GNAQ: variants seen among roughly 807,000 people sequenced by gnomAD.
GNAQ encodes the protein guanine nucleotide-binding protein G(q) subunit alpha.
In GNAQ, 8 loss-of-function variants were observed where a neutral mutation model predicts 43.9. The ratio of observed to expected loss-of-function variants is 0.18; its 90% confidence interval spans 0.11 to 0.33. GNAQ has a LOEUF of 0.33. Ranked by LOEUF, GNAQ falls within the 10% of genes least tolerant of loss-of-function variation. The pLI, the probability that GNAQ is intolerant of heterozygous loss-of-function variation, is 1.00. For missense variants in GNAQ, 158 were observed against 450.8 expected, an observed-to-expected ratio of 0.35 and a Z score of 5.88; for synonymous variants, 155 against 170.7, an observed-to-expected ratio of 0.91 and a Z score of 0.71.
At chr9:77,847,738 T>G (rs1827610313) in intron 2 of GNAQ, among the ~76,000 whole-genome samples, 1 of 152,180 alleles carries the variant, frequency 6.6e-6, no homozygotes, top group South Asian at 2.1e-4. Flanking sequence ...GGCCTCCCTA[T>G]GTGGTTGTGC....
At chr9:77,973,820 G>C (rs961123039) in intron 1 of GNAQ, among the ~76,000 whole-genome samples, 2 of 151,988 alleles carry the variant, frequency 1.3e-5, no homozygotes, top group African/African-American at 4.8e-5. Flanking sequence ...TCAAAGTAGG[G>C]GGCAATGAAG....
chr9:77,860,327 C>A (rs533249319), intron 2 of GNAQ, among the ~76,000 whole-genome samples: 1 of 152,178 alleles, frequency 6.6e-6, no homozygotes, highest in Non-Finnish European at 1.5e-5. Context: ...TAGACAATGC[C>A]CTGAGGAGGT....
intron 5 of GNAQ, among the ~76,000 whole-genome samples, chr9:77,762,969 C>T (rs1198810484): frequency 1.7e-4 from 25 of 150,382 alleles, no homozygotes; most frequent in African/African-American, 5.5e-4. Context: ...TGCGGAAGGC[C>T]GCAGGGTCCT....
chr9:77,770,309 T>C (rs117531308), intron 5 of GNAQ, among the ~76,000 whole-genome samples: 2,870 of 152,248 alleles, frequency 0.019, 89 homozygotes, highest in South Asian at 0.14. Flanking sequence ...TGTATCCAAT[T>C]AGATGCTGGT....
intron 1 of GNAQ, among the ~76,000 whole-genome samples, chr9:77,931,590 GTC>G (rs1278905514): frequency 6.7e-6 from 1 of 149,576 alleles, no homozygotes; most frequent in Non-Finnish European, 1.5e-5. Flanking sequence ...GTGAGACTCT[GTC>G]TCAAAAAAAA....
intron 2 of GNAQ, among the ~76,000 whole-genome samples, chr9:77,822,588 G>A (rs1827133773): frequency 7.1e-6 from 1 of 141,826 alleles, no homozygotes; most frequent in Admixed American, 7.2e-5. Context: ...GTAGAATTCA[G>A]ACAGGCGAAA....
At chr9:77,987,037 G>A (rs1014505824) in intron 1 of GNAQ, among the ~76,000 whole-genome samples, 2 of 152,000 alleles carry the variant, frequency 1.3e-5, no homozygotes, top group African/African-American at 4.8e-5. Context: ...GATATTAAAG[G>A]TGCAAACTGG....
chr9:77,956,249 C>G (rs1823039100), intron 1 of GNAQ, among the ~76,000 whole-genome samples: 1 of 151,812 alleles, frequency 6.6e-6, no homozygotes, highest in Admixed American at 6.6e-5. Flanking sequence ...CTAATTAGAC[C>G]CCAAAATTGA....
intron 2 of GNAQ, among the ~76,000 whole-genome samples, chr9:77,838,257 C>T (rs1827426096): frequency 6.7e-6 from 1 of 149,760 alleles, no homozygotes; most frequent in African/African-American, 2.5e-5. Context: ...GTTTCTTCTG[C>T]CTCAGCCTTC....
At chr9:77,904,621 C>T (rs1361755617) in intron 2 of GNAQ, among the ~76,000 whole-genome samples, 2 of 151,990 alleles carry the variant, frequency 1.3e-5, no homozygotes, top group African/African-American at 2.4e-5. Flanking sequence ...TGTGAGTCAC[C>T]GTGCCCGGCC....
intron 2 of GNAQ, among the ~76,000 whole-genome samples, chr9:77,908,889 C>A (rs1444054243): frequency 1.3e-5 from 2 of 152,282 alleles, no homozygotes; most frequent in East Asian, 3.9e-4. Flanking sequence ...GAGAGCCTCA[C>A]ATGATTTGTA....
chr9:77,993,996 T>C (rs971674300), intron 1 of GNAQ, among the ~76,000 whole-genome samples: 2 of 152,054 alleles, frequency 1.3e-5, no homozygotes, highest in Non-Finnish European at 2.9e-5. Context: ...CCCAAATATA[T>C]TGAGGGGCTT....
intron 5 of GNAQ, among the ~76,000 whole-genome samples, chr9:77,775,614 C>G (rs190144124): frequency 6.6e-6 from 1 of 151,752 alleles, no homozygotes; most frequent in Non-Finnish European, 1.5e-5. Context: ...GGGGTTTCAC[C>G]ATGGTCTCGA....
intron 1 of GNAQ, among the ~76,000 whole-genome samples, chr9:77,960,748 A>G (rs533993725): frequency 7.3e-5 from 11 of 151,400 alleles, no homozygotes; most frequent in Non-Finnish European, 1.0e-4. Context: ...TTAAAACCAC[A>G]AAGAATCTAA....
chr9:77,982,917 T>C (rs1237701257), intron 1 of GNAQ, among the ~76,000 whole-genome samples: 2 of 152,058 alleles, frequency 1.3e-5, no homozygotes, highest in Admixed American at 6.5e-5. Context: ...ATGCACGTTG[T>C]GCACATGTAC....
intron 2 of GNAQ, among the ~76,000 whole-genome samples, chr9:77,840,796 G>A (rs1415357116): frequency 1.3e-5 from 2 of 152,186 alleles, no homozygotes; most frequent in Non-Finnish European, 2.9e-5. Flanking sequence ...GGGAAGGGGT[G>A]AGAAGATGAT....
chr9:77,922,440 C>A, intron 1 of GNAQ, 95 bp from the exon 2 acceptor site: 1 of 835,476 alleles, frequency 1.2e-6, no homozygotes, highest in Non-Finnish European at 1.9e-6. Context: ...TTAACATCCC[C>A]AGATAGCCTG....
rs555505116 is a variant in GNAQ, at chr9:77,783,167, T to C, written c.735+11296A>G. Among the ~76,000 whole-genome samples, 9 of 152,360 alleles carry C rather than the reference T, an allele frequency of 5.9e-5. No individual in the cohort carries two copies. The East Asian group carries it at 1.7e-3, about 29-fold the overall frequency. The stretch of plus-strand genomic sequence containing the variant: ...ATAATGATGTATATATGTAGTTTCA[T>C]GAATTGTAACAAATTTGTCACTCTG... On this transcript the variant is annotated intron_variant, in intron 5 of 6. Coordinates refer to ENST00000286548, the MANE Select transcript of GNAQ (RefSeq NM_002072.5).
chr9:77,821,724 G>GGGGTGTGTGTGTGTGTGTGT (rs201504418), intron 2 of GNAQ, among the ~76,000 whole-genome samples: 1 of 142,308 alleles, frequency 7.0e-6, no homozygotes, highest in East Asian at 2.0e-4. Context: ...TCCTAGTATG[G>GGGGTGTGTGTGTGTGTGTGT]GTGTGTGTGT....
Sources: gnomAD v4.1 joint callset for allele counts (sites outside exome capture counted in the v4.1 genomes callset) on GRCh38, gnomAD v4.1.1 for gene constraint, MANE v1.5 for transcripts, NCBI Gene and HGNC (gene_info 2026-07-23, HGNC 2026-07-21) for gene names.